The following LYG2 variants were observed in gnomAD, a reference collection of about 807,000 sequenced individuals.
LYG2 encodes lysozyme g2, also known as lysozyme g-like protein 2.
A neutral mutation model predicts 22.4 loss-of-function variants in LYG2; 25 were observed. The ratio of observed to expected loss-of-function variants is 1.12; its 90% confidence interval spans 0.81 to 1.56. The LOEUF is 1.56. LYG2 is among the 40% of genes most tolerant of loss of function. The pLI is 0.00. For missense variants in LYG2, 266 were observed against 269.5 expected, an observed-to-expected ratio of 0.99 and a Z score of 0.09; for synonymous variants, 88 against 97.0, an observed-to-expected ratio of 0.91 and a Z score of 0.55.
intron 3 of LYG2, among the ~76,000 whole-genome samples, chr2:99,250,047 C>G (rs1017289844): frequency 2.0e-5 from 3 of 152,114 alleles, no homozygotes; most frequent in Non-Finnish European, 2.9e-5. Context: ...AGATGTGGCC[C>G]TCTGCTCCTG....
chr2:99,244,013 G>A lies in LYG2; in HGVS notation c.506C>T (p.Ala169Val). 6.2e-7 allele frequency: 1 copy of A among 1,614,038 alleles called. No homozygotes were observed. The highest frequency in any genetic ancestry group is 8.5e-7 in the Non-Finnish European group (1 of 1,179,976). Residue 169 changes from alanine (A) to valine (V), a missense_variant, in exon 6 of 7, where the codon GCT (alanine) becomes GTT (valine). By Grantham distance (64) the Ala-to-Val change is moderately conservative. Transcript: ENST00000333017. ...ATACAGCCTACCTTTGAGGTGCTGA[G>A]CAACACTCCACGTGGGGAATTTTTT... ...IQKKFPTWSV[A>V]QHLKGGLSAF... is the part of the protein sequence containing the mutation.
At chr2:99,259,193 G>T (rs914726490), upstream of LYG2, among the ~76,000 whole-genome samples, 1 of 130,778 alleles carries the variant, frequency 7.6e-6, no homozygotes, top group Admixed American at 8.8e-5. Flanking sequence ...TTTATTTCTA[G>T]TTATTTACCC....
At chr2:99,251,845 A>T (rs896202735) in intron 3 of LYG2, among the ~76,000 whole-genome samples, 86 of 149,984 alleles carry the variant, frequency 5.7e-4, no homozygotes, top group South Asian at 1.7e-3. Flanking sequence ...AAAAAAAAAA[A>T]TTTTTTTTTC....
At chr2:99,252,295 C>T (rs577017266) in intron 3 of LYG2, among the ~76,000 whole-genome samples, 80 of 130,254 alleles carry the variant, frequency 6.1e-4, no homozygotes, top group South Asian at 3.2e-3. Context: ...CCTCTTGATC[C>T]GCCTGCCTCG....
At chr2:99,251,370 A>G (rs865777774) in intron 3 of LYG2, among the ~76,000 whole-genome samples, 15 of 152,328 alleles carry the variant, frequency 9.8e-5, no homozygotes, top group African/African-American at 3.1e-4. Flanking sequence ...TCCTGTGAAC[A>G]TAAATAATCA....
At chr2:99,243,557 A>T in intron 6 of LYG2, 1 of 1,413,714 alleles carries the variant, frequency 7.1e-7, no homozygotes, top group Non-Finnish European at 9.7e-7. Context: ...TTTTTGAGAG[A>T]TGGGGTCTCA....
chr2:99,246,790 T>G lies in LYG2; in HGVS notation c.74A>C (p.His25Pro). 1 of 1,613,892 alleles carries G rather than the reference T, an allele frequency of 6.2e-7. No individual in the cohort carries two copies. Among genetic ancestry groups the G allele is most frequent in the Non-Finnish European group, 8.5e-7 (1 of 1,179,954 alleles). The change falls in exon 4 of 7, where the codon CAC (histidine) becomes CCC (proline). Residue 25 changes from histidine (H) to proline (P), a missense_variant. Transcript: ENST00000333017. ...TGGATGTAGGTGAGGCTTCATTGAG[T>G]GACTGAAGGGGTATGAGCCCCTGGA... The part of the protein sequence containing the change: ...GTSRGSYPFS[H>P]SMKPHLHPRL...
intron 6 of LYG2, chr2:99,243,501 G>A (rs1395330287): frequency 4.1e-6 from 6 of 1,460,210 alleles, no homozygotes; most frequent in Non-Finnish European, 5.5e-6. Flanking sequence ...CAGATAGATA[G>A]ATAGATAGAT....
At chr2:99,259,798 T>A (rs1186283896), upstream of LYG2, among the ~76,000 whole-genome samples, 1 of 152,024 alleles carries the variant, frequency 6.6e-6, no homozygotes, top group African/African-American at 2.4e-5. Context: ...TTAAAAAAAA[T>A]ATTTATTTAT....
chr2:99,246,685 TTCA>T lies in LYG2; in HGVS notation c.176_178del (p.Met59del), dbSNP rs1415167218. Reference sequence around the variant, plus strand: ...TTGCTCTGCTTTTCACTTACCGCAGTTCATCACACTGTTTGCATCACAAGTGGC... The same window carrying T: ...TTGCTCTGCTTTTCACTTACCGCAGTTCACACTGTTTGCATCACAAGTGGC... On this transcript the variant is annotated inframe_deletion, in exon 4 of 7. Transcript: ENST00000333017. The T allele has an allele frequency of 2.7e-5, 44 of 1,612,238 alleles. No homozygotes were observed. The highest frequency in any genetic ancestry group is 3.7e-5 in the Non-Finnish European group (44 of 1,179,664).
At chr2:99,259,344 C>T (rs1574868221), upstream of LYG2, among the ~76,000 whole-genome samples, 1 of 151,802 alleles carries the variant, frequency 6.6e-6, no homozygotes, top group African/African-American at 2.4e-5. Flanking sequence ...GGAAACACTC[C>T]AAAAAATTCA....
upstream of LYG2, among the ~76,000 whole-genome samples, chr2:99,256,991 C>T (rs995108459): frequency 6.6e-6 from 1 of 152,180 alleles, no homozygotes; most frequent in Non-Finnish European, 1.5e-5. Flanking sequence ...AAAGATGGCA[C>T]AGTTAGCATG....
chr2:99,246,703 T>C lies in LYG2; in HGVS notation c.161A>G (p.Asp54Gly). 6.2e-7 allele frequency: 1 copy of C among 1,614,060 alleles called. No individual in the cohort carries two copies. The highest frequency in any genetic ancestry group is 8.5e-7 in the Non-Finnish European group (1 of 1,179,998). The part of the protein sequence containing the change: ...MTMKTSGATC[D>G]ANSVMNCGIR... ...ACCGCAGTTCATCACACTGTTTGCA[T>C]CACAAGTGGCCCCAGAGGTCTTCAT... The change falls in exon 4 of 7, where the codon GAT becomes GGT. Residue 54 changes from aspartate to glycine, a missense_variant. Asp to Gly is a moderately conservative substitution (Grantham distance 94, BLOSUM62 -1). Coordinates refer to ENST00000333017, the MANE Select transcript of LYG2 (RefSeq NM_175735.4).
upstream of LYG2, among the ~76,000 whole-genome samples, chr2:99,260,432 C>T (rs1460257875): frequency 2.0e-5 from 3 of 152,184 alleles, no homozygotes; most frequent in Admixed American, 1.3e-4. Flanking sequence ...AGAATCTCCA[C>T]AACCATTAGC....
At chr2:99,258,641 G>A (rs1447926931), upstream of LYG2, among the ~76,000 whole-genome samples, 1 of 152,156 alleles carries the variant, frequency 6.6e-6, no homozygotes, top group Non-Finnish European at 1.5e-5. Context: ...CCTATAAAAT[G>A]GGGGAGCTGC....
chr2:99,247,390 CTA>C, intron 3 of LYG2, among the ~76,000 whole-genome samples: 1 of 151,716 alleles, frequency 6.6e-6, no homozygotes, highest in East Asian at 1.9e-4. Flanking sequence ...ATACCATGCT[CTA>C]TGTCAGAATT....
intron 3 of LYG2, among the ~76,000 whole-genome samples, chr2:99,253,512 T>C (rs147755831): frequency 2.5e-4 from 38 of 152,314 alleles, no homozygotes; most frequent in African/African-American, 8.9e-4. Flanking sequence ...AACTTGAACA[T>C]TGCTCATAAT....
chr2:99,252,919 C>T (rs1417838027), intron 3 of LYG2, among the ~76,000 whole-genome samples: 4 of 151,740 alleles, frequency 2.6e-5, no homozygotes, highest in South Asian at 2.1e-4. Context: ...TGATGGTGGG[C>T]GCCTGTAGTC....
At chr2:99,247,437 G>GTTT (rs1001184117) in intron 3 of LYG2, among the ~76,000 whole-genome samples, 1 of 141,948 alleles carries the variant, frequency 7.0e-6, no homozygotes, top group Non-Finnish European at 1.5e-5. Flanking sequence ...AAACTTGAGA[G>GTTT]TTTTTTTTTT....
Sources: gnomAD v4.1 joint callset for allele counts (sites outside exome capture counted in the v4.1 genomes callset) on GRCh38, gnomAD v4.1.1 for gene constraint, MANE v1.5 for transcripts, NCBI Gene and HGNC (gene_info 2026-07-23, HGNC 2026-07-21) for gene names.